Variants in ELP3 observed in about 807,000 individuals in gnomAD.
The protein encoded by ELP3 is elongator acetyltransferase complex subunit 3.
A neutral mutation model predicts 74.9 loss-of-function variants in ELP3; 56 were observed. The observed-to-expected ratio is 0.75, with a 90% CI of 0.60 to 0.93. The LOEUF is 0.93. ELP3 is among the 40% of genes least tolerant of loss of function. The pLI is 0.00. For missense variants in ELP3, 573 were observed against 686.5 expected, an observed-to-expected ratio of 0.83 and a Z score of 1.85; for synonymous variants, 222 against 239.8, an observed-to-expected ratio of 0.93 and a Z score of 0.68.
At chr8:28,138,764 C>T (rs1312865374) in intron 10 of ELP3, among the ~76,000 whole-genome samples, 2 of 152,232 alleles carry the variant, frequency 1.3e-5, no homozygotes, top group African/African-American at 2.4e-5. Flanking sequence ...AACTGACTTG[C>T]TTGAAGGTCA....
intron 14 of ELP3, among the ~76,000 whole-genome samples, chr8:28,182,452 T>G (rs1234420071): frequency 6.6e-6 from 1 of 152,126 alleles, no homozygotes; most frequent in South Asian, 2.1e-4. Flanking sequence ...TCCCAGGTAC[T>G]CTGGAGGCTG....
intron 10 of ELP3, among the ~76,000 whole-genome samples, chr8:28,155,001 G>A (rs1418289385): frequency 6.6e-6 from 1 of 152,142 alleles, no homozygotes; most frequent in Non-Finnish European, 1.5e-5. Flanking sequence ...ACTTTTGCTG[G>A]AGGAATATCT....
intron 11 of ELP3, among the ~76,000 whole-genome samples, chr8:28,158,165 A>G (rs1182545398): frequency 6.6e-6 from 1 of 151,988 alleles, no homozygotes; most frequent in African/African-American, 2.4e-5. Context: ...GGTTTTAAAC[A>G]TTTAGGAATT....
intron 14 of ELP3, among the ~76,000 whole-genome samples, chr8:28,162,592 T>C (rs576180191): frequency 6.6e-6 from 1 of 152,292 alleles, no homozygotes; most frequent in African/African-American, 2.4e-5. Flanking sequence ...TCCCCAGCCC[T>C]CTTAGGGTCC....
Position 28,147,398 on chromosome 8 carries a change from A to G in ELP3, c.1101-8544A>G, listed in dbSNP as rs1049353234. ...TGGCAACTGCAGTTGTTGGGAGATT[A>G]GTTACATTGAGCAAAGAAGTTATTT... On this transcript the variant is annotated intron_variant, in intron 10 of 14. Coordinates refer to ENST00000256398, the MANE Select transcript of ELP3 (RefSeq NM_018091.6). This position sits in a 1 kb window ranked among gnomAD's most constrained non-coding sequence, Gnocchi z 4.5. Among the ~76,000 whole-genome samples, 5 of 152,218 alleles carry G rather than the reference A, an allele frequency of 3.3e-5. No homozygotes were observed. Among genetic ancestry groups the G allele is most frequent in the Non-Finnish European group, 7.3e-5 (5 of 68,034 alleles).
chr8:28,093,692 T>A (rs73669185), intron 1 of ELP3: 1 of 172,176 alleles, frequency 5.8e-6, no homozygotes, highest in African/African-American at 2.4e-5. Flanking sequence ...TATTACATCA[T>A]GAGTTAGCAA....
intron 3 of ELP3, among the ~76,000 whole-genome samples, 174 bp from the exon 4 acceptor site, chr8:28,106,539 C>CA (rs61714722): frequency 0.03 from 3,311 of 112,180 alleles, 192 homozygotes; most frequent in Non-Finnish European, 0.039. Flanking sequence ...GACTCCGTCT[C>CA]AAAAAAAAAA....
intron 10 of ELP3, among the ~76,000 whole-genome samples, chr8:28,150,741 T>A (rs1813610759): frequency 6.6e-6 from 1 of 152,178 alleles, no homozygotes; most frequent in Admixed American, 6.5e-5. Flanking sequence ...GCTTCCTGGA[T>A]CTGTGGTTTG....
intron 10 of ELP3, among the ~76,000 whole-genome samples, chr8:28,151,799 A>G (rs1813650911): frequency 6.6e-6 from 1 of 152,244 alleles, no homozygotes; most frequent in Admixed American, 6.5e-5. Context: ...TAAGAAAAGC[A>G]GTGCTAGGTC....
intron 10 of ELP3, among the ~76,000 whole-genome samples, chr8:28,150,986 G>A (rs1192827252): frequency 3.3e-5 from 5 of 152,104 alleles, no homozygotes; most frequent in African/African-American, 1.2e-4. Flanking sequence ...TGTTGTCTAG[G>A]CTGGTCTCAA....
At chr8:28,099,753 G>A in intron 2 of ELP3, 75 bp from the exon 3 acceptor site, 1 of 1,537,038 alleles carries the variant, frequency 6.5e-7, no homozygotes, top group African/African-American at 1.4e-5. Context: ...TAATGATGTT[G>A]TTTATAGATC....
At chr8:28,134,834 T>C (rs1183975715) in intron 9 of ELP3, among the ~76,000 whole-genome samples, 1 of 152,210 alleles carries the variant, frequency 6.6e-6, no homozygotes, top group Non-Finnish European at 1.5e-5. Flanking sequence ...CTCTGTTTCC[T>C]CCAAGTGCCT....
chr8:28,161,350 G>T (rs1456002181), intron 13 of ELP3, among the ~76,000 whole-genome samples: 2 of 152,104 alleles, frequency 1.3e-5, no homozygotes, highest in Non-Finnish European at 2.9e-5. Context: ...GAGGCAGGGG[G>T]ATCACCTGAG....
rs760238909 is a variant in ELP3, at chr8:28,118,006, CCA to C, written c.617+4834_617+4835del. ...ACCTTGCCCTTCTCTCTCATCCTGC[CCA>C]GAGTCTATGAGTGAAAACTGGTTGG... is the stretch of plus-strand genomic sequence containing the variant. On this transcript the variant is annotated intron_variant, in intron 7 of 14. Coordinates refer to ENST00000256398, the MANE Select transcript of ELP3 (RefSeq NM_018091.6). Among the ~76,000 whole-genome samples, 97 of 152,260 alleles carry C rather than the reference CCA, an allele frequency of 6.4e-4. 6 individuals carry two copies. The South Asian group carries it at 0.019, about 30-fold the overall frequency.
rs768719426 is a variant in ELP3, at chr8:28,182,921, A to C, written c.1568-6728A>C. Among the ~76,000 whole-genome samples the C allele has an allele frequency of 3.3e-5, 5 of 152,140 alleles. 1 individual carries two copies. Among genetic ancestry groups the C allele is most frequent in the Admixed American group, 3.3e-4 (5 of 15,274 alleles). ...TACCCCTGGGTCTCCTCCGGGTTGG[A>C]GATTCACAGGGAGGCCAGGGGCTCT... On this transcript the variant is annotated intron_variant, in intron 14 of 14. Transcript: ENST00000256398.
At chr8:28,124,786 G>T (rs1812509005) in intron 7 of ELP3, among the ~76,000 whole-genome samples, 1 of 152,106 alleles carries the variant, frequency 6.6e-6, no homozygotes, top group Non-Finnish European at 1.5e-5. Flanking sequence ...GGGCACAAGG[G>T]TCTTTGATTA....
chr8:28,172,538 T>C (rs1365336341), intron 14 of ELP3, among the ~76,000 whole-genome samples: 1 of 152,108 alleles, frequency 6.6e-6, no homozygotes, highest in African/African-American at 2.4e-5. Context: ...TCCAATAATA[T>C]TGTATGTGTG....
chr8:28,107,272 A>T (rs1445401323), intron 4 of ELP3, among the ~76,000 whole-genome samples: 1 of 152,186 alleles, frequency 6.6e-6, no homozygotes, highest in Non-Finnish European at 1.5e-5. Flanking sequence ...AAATTAGAAC[A>T]TATGAATATT....
At chr8:28,187,802 T>C (rs1815298421) in intron 14 of ELP3, among the ~76,000 whole-genome samples, 3 of 152,096 alleles carry the variant, frequency 2.0e-5, no homozygotes, top group African/African-American at 7.2e-5. Flanking sequence ...TTTGACCTGC[T>C]ACACCTTCCA....
Sources: gnomAD v4.1 joint callset for allele counts (sites outside exome capture counted in the v4.1 genomes callset) on GRCh38, gnomAD v4.1.1 for gene constraint, Gnocchi (gnomAD v3.1) non-coding constraint, MANE v1.5 for transcripts, NCBI Gene and HGNC (gene_info 2026-07-23, HGNC 2026-07-21) for gene names.